INPP4B: variants seen among roughly 807,000 people sequenced by gnomAD.
INPP4B encodes the protein inositol polyphosphate 4-phosphatase type II.
A neutral mutation model predicts 122.5 loss-of-function variants in INPP4B; 55 were observed. The ratio of observed to expected loss-of-function variants is 0.45; its 90% CI spans 0.36 to 0.56. The LOEUF is 0.56. Among genes scored for constraint, INPP4B ranks in the 20% least tolerant of loss-of-function variants. The pLI, the probability that INPP4B is intolerant of heterozygous loss-of-function variation, is 0.00. For missense variants in INPP4B, 1,000 were observed against 1,097.7 expected (o/e 0.91, Z 1.26); for synonymous variants, 403 against 388.7 (o/e 1.04, Z -0.43).
At chr4:142,613,945 T>C (rs1743121413) in intron 2 of INPP4B, among the ~76,000 whole-genome samples, 1 of 152,226 alleles carries the variant, frequency 6.6e-6, no homozygotes, top group African/African-American at 2.4e-5. Context: ...CATCCCACCA[T>C]GTTATACTAA....
chr4:142,580,882 C>T (rs927734587), intron 2 of INPP4B, among the ~76,000 whole-genome samples: 13 of 152,044 alleles, frequency 8.6e-5, no homozygotes, highest in Non-Finnish European at 1.8e-4. Flanking sequence ...AGGCTTGATA[C>T]ATGCATTGTT....
Position 142,407,623 on chromosome 4 carries a change from A to G in INPP4B, c.137-2299T>C, listed in dbSNP as rs541263310. Among the ~76,000 whole-genome samples, 4 of 152,304 alleles carry G rather than the reference A, an allele frequency of 2.6e-5. No individual in the cohort carries two copies. The South Asian group carries it at 8.3e-4, about 32-fold the overall frequency. ...AAAAACAATACGGTTACATCTTGTC[A>G]GGAAAACAATAATAGTTACATCTTG... On this transcript the variant is annotated intron_variant, in intron 5 of 25. Coordinates refer to ENST00000262992, the MANE Select transcript of INPP4B (RefSeq NM_001101669.3).
intron 1 of INPP4B, among the ~76,000 whole-genome samples, chr4:142,764,565 G>A (rs1183136758): frequency 6.6e-6 from 1 of 152,072 alleles, no homozygotes; most frequent in Non-Finnish European, 1.5e-5. Flanking sequence ...CAAGAACAAA[G>A]AGAAACCAGC....
chr4:142,305,328 T>C, intron 9 of INPP4B, 130 bp downstream of exon 9: 1 of 673,292 alleles, frequency 1.5e-6, no homozygotes, highest in South Asian at 2.0e-5. Flanking sequence ...CTTGCTGCAG[T>C]GGAGAACATT....
chr4:142,629,558 TTTG>T (rs1163162938), intron 2 of INPP4B, among the ~76,000 whole-genome samples: 2 of 152,128 alleles, frequency 1.3e-5, no homozygotes, highest in African/African-American at 2.4e-5. Context: ...ACTGAGGTGT[TTTG>T]TTAAGCTGGG....
intron 23 of INPP4B, among the ~76,000 whole-genome samples, chr4:142,097,765 C>T (rs971694411): frequency 6.6e-6 from 1 of 152,114 alleles, no homozygotes; most frequent in African/African-American, 2.4e-5. Flanking sequence ...TATCACTCAA[C>T]AATTATTAAC....
At chr4:142,665,053 T>C (rs1755783703) in intron 2 of INPP4B, among the ~76,000 whole-genome samples, 1 of 152,116 alleles carries the variant, frequency 6.6e-6, no homozygotes, top group Non-Finnish European at 1.5e-5. Flanking sequence ...TCTAAACATA[T>C]CTAAACATGG....
intron 7 of INPP4B, among the ~76,000 whole-genome samples, chr4:142,338,967 C>T (rs904213869): frequency 6.6e-6 from 1 of 151,840 alleles, no homozygotes; most frequent in Non-Finnish European, 1.5e-5. Context: ...GAGGGGAGAA[C>T]GGAGGGTCCA....
intron 9 of INPP4B, among the ~76,000 whole-genome samples, chr4:142,288,280 T>A (rs1754759890): frequency 6.6e-6 from 1 of 152,216 alleles, no homozygotes; most frequent in African/African-American, 2.4e-5. Flanking sequence ...TAGAAATTTT[T>A]ATCTTAAAAT....
chr4:142,138,840 G>A lies in INPP4B; in HGVS notation c.1720+7000C>T, dbSNP rs78520632. 3.4e-3 allele frequency among the ~76,000 whole-genome samples: 515 copies of A among 152,276 alleles called. 3 individuals are homozygous for A. Among genetic ancestry groups the A allele is most frequent in the African/African-American group, 0.011 (444 of 41,550 alleles). On this transcript the variant is annotated intron_variant, in intron 18 of 25. Coordinates refer to ENST00000262992, the MANE Select transcript of INPP4B (RefSeq NM_001101669.3). ...ATTATTACCCCTCCTTTGATACCTCGTTTGGTCTCCAAACTGCATTTGATT... is the reference window on the plus strand; with the variant it reads ...ATTATTACCCCTCCTTTGATACCTCATTTGGTCTCCAAACTGCATTTGATT...
chr4:142,631,085 G>A (rs1294808910), intron 2 of INPP4B, among the ~76,000 whole-genome samples: 2 of 151,964 alleles, frequency 1.3e-5, no homozygotes, highest in Non-Finnish European at 2.9e-5. Flanking sequence ...ATGGACACAA[G>A]GCAATAAATC....
chr4:142,790,135 AT>A, intron 1 of INPP4B, among the ~76,000 whole-genome samples: 1 of 152,316 alleles, frequency 6.6e-6, no homozygotes, highest in South Asian at 2.1e-4. Flanking sequence ...ATTCTAGAAG[AT>A]AACATTGGAA....
At chr4:142,220,692 G>A (rs1849007125) in intron 12 of INPP4B, among the ~76,000 whole-genome samples, 1 of 152,106 alleles carries the variant, frequency 6.6e-6, no homozygotes, top group Admixed American at 6.6e-5. Flanking sequence ...TCATGGACTT[G>A]GTGGCTTAAA....
At chr4:142,035,075 C>G (rs1743002087) in intron 25 of INPP4B, among the ~76,000 whole-genome samples, 1 of 152,156 alleles carries the variant, frequency 6.6e-6, no homozygotes, top group South Asian at 2.1e-4. Context: ...ATCTTCCTAC[C>G]TCTTAGAAGC....
intron 2 of INPP4B, among the ~76,000 whole-genome samples, chr4:142,719,221 T>C (rs564682348): frequency 5.3e-4 from 80 of 152,310 alleles, no homozygotes; most frequent in African/African-American, 1.8e-3. Context: ...ACAAATTAGA[T>C]TGAATCCTCC....
chr4:142,390,262 T>G (rs1215750372), intron 7 of INPP4B, among the ~76,000 whole-genome samples: 1 of 152,178 alleles, frequency 6.6e-6, no homozygotes, highest in African/African-American at 2.4e-5. Context: ...CATGTAATAT[T>G]AGAAGATAAT....
intron 25 of INPP4B, among the ~76,000 whole-genome samples, chr4:142,041,076 T>C (rs574299679): frequency 6.6e-6 from 1 of 152,130 alleles, no homozygotes; most frequent in Admixed American, 6.6e-5. Context: ...AAAGTCCACA[T>C]GTACCTTAGA....
At chr4:142,124,499 C>A in intron 19 of INPP4B, 89 bp downstream of exon 19, 1 of 1,176,522 alleles carries the variant, frequency 8.5e-7, no homozygotes, top group South Asian at 1.4e-5. Flanking sequence ...AAAAATAAAG[C>A]TGTCCCAATA....
intron 2 of INPP4B, among the ~76,000 whole-genome samples, chr4:142,568,877 G>C (rs1181284156): frequency 6.6e-6 from 1 of 151,982 alleles, no homozygotes; most frequent in Non-Finnish European, 1.5e-5. Flanking sequence ...ATATTTTATA[G>C]GCATATGGAA....
Sources: allele counts gnomAD v4.1 joint callset (sites outside exome capture counted in the v4.1 genomes callset), GRCh38; gene constraint gnomAD v4.1.1; transcripts MANE v1.5; gene names NCBI Gene and HGNC (gene_info 2026-07-23, HGNC 2026-07-21).